Variants in LRRFIP1 observed in about 807,000 individuals in gnomAD.
The protein encoded by LRRFIP1 is leucine-rich repeat flightless-interacting protein 1.
LRRFIP1 carries 62 observed loss-of-function variants against 104.4 expected under a neutral mutation model. The observed-to-expected ratio is 0.59, with a 90% CI of 0.48 to 0.73. LRRFIP1 has a LOEUF of 0.73. Ranked by LOEUF, LRRFIP1 falls within the 30% of genes least tolerant of loss-of-function variation. The pLI is 0.00. For missense variants in LRRFIP1, 796 were observed against 824.5 expected (o/e 0.97, Z 0.42); for synonymous variants, 300 against 299.0 (o/e 1.00, Z -0.03).
intron 6 of LRRFIP1, 63 bp downstream of exon 6, chr2:237,720,885 C>G: frequency 2.1e-6 from 3 of 1,402,060 alleles, no homozygotes; most frequent in African/African-American, 1.4e-5. Flanking sequence ...TTTACTTTCT[C>G]ATCCCCGCAT....
chr2:237,715,794 G>C (rs529079812), intron 3 of LRRFIP1, among the ~76,000 whole-genome samples: 1 of 152,352 alleles, frequency 6.6e-6, no homozygotes, highest in South Asian at 2.1e-4. Context: ...TCATGGTAGT[G>C]ATTGACGTTT....
intron 1 of LRRFIP1, among the ~76,000 whole-genome samples, chr2:237,636,808 C>T (rs2083189514): frequency 6.6e-6 from 1 of 152,198 alleles, no homozygotes; most frequent in African/African-American, 2.4e-5. Flanking sequence ...GACAGTGGTT[C>T]CTCAGGCAGG....
intron 17 of LRRFIP1, among the ~76,000 whole-genome samples, chr2:237,758,036 G>C (rs1043821464): frequency 2.0e-5 from 3 of 152,142 alleles, no homozygotes; most frequent in Non-Finnish European, 2.9e-5. Flanking sequence ...TCTACACTTA[G>C]AATTGAAGGA....
intron 1 of LRRFIP1, among the ~76,000 whole-genome samples, chr2:237,696,675 T>C (rs1180624732): frequency 6.6e-6 from 1 of 152,158 alleles, no homozygotes; most frequent in Non-Finnish European, 1.5e-5. Flanking sequence ...TAGTCAGCAG[T>C]GGAGCCAGTT....
intron 1 of LRRFIP1, among the ~76,000 whole-genome samples, chr2:237,669,106 C>T (rs2089960718): frequency 2.0e-5 from 3 of 152,202 alleles, no homozygotes; most frequent in Admixed American, 2.0e-4. Flanking sequence ...CCATCACGTC[C>T]TCACTTCCGT....
Position 237,717,844 on chromosome 2 carries a change from C to T in LRRFIP1, c.249+35C>T, listed in dbSNP as rs767076416. ...GAATATAATTTTGTTTTTACTCTTC[C>T]CTCCCCACTTGAATACAGTGTTGAG... On this transcript the variant is annotated intron_variant, in intron 4 of 23. Coordinates refer to ENST00000308482, the MANE Select transcript of LRRFIP1 (RefSeq NM_001137550.2). The surrounding 1 kb of genome is among the most constrained non-coding windows in gnomAD (Gnocchi z 4.2). 1 of 1,512,714 alleles carries T rather than the reference C, an allele frequency of 6.6e-7. No individual in the cohort carries two copies. The highest frequency in any genetic ancestry group is 9.2e-7 in the Non-Finnish European group (1 of 1,087,836). 93.7% of individuals were successfully genotyped at this position (1,512,714 alleles called of 1,614,324 possible). A position where few individuals can be genotyped will look rare whatever the true frequency, so the allele number is the denominator to read the frequency against.
chr2:237,631,374 G>A (rs2082316846), intron 1 of LRRFIP1, among the ~76,000 whole-genome samples: 2 of 152,314 alleles, frequency 1.3e-5, no homozygotes, highest in Admixed American at 1.3e-4. Flanking sequence ...CCTTTGGAGG[G>A]TGCATTTCTG....
chr2:237,738,471 A>C (rs1241789554), intron 10 of LRRFIP1, among the ~76,000 whole-genome samples: 2 of 152,148 alleles, frequency 1.3e-5, no homozygotes, highest in Non-Finnish European at 2.9e-5. Flanking sequence ...TCTCTTGAAG[A>C]TGCTCCTCAG....
chr2:237,757,807 G>A (rs938250361), intron 17 of LRRFIP1, among the ~76,000 whole-genome samples: 10 of 152,068 alleles, frequency 6.6e-5, no homozygotes, highest in Admixed American at 1.3e-4. Context: ...TGCCTGCCCC[G>A]TGGCTGGGCC....
intron 1 of LRRFIP1, among the ~76,000 whole-genome samples, chr2:237,701,332 T>G (rs1437451990): frequency 6.6e-6 from 1 of 152,220 alleles, no homozygotes; most frequent in Non-Finnish European, 1.5e-5. Flanking sequence ...GAATTGGGGT[T>G]CAGGGTGTTG....
At chr2:237,657,544 C>A (rs956003442) in intron 1 of LRRFIP1, among the ~76,000 whole-genome samples, 2 of 152,094 alleles carry the variant, frequency 1.3e-5, no homozygotes, top group Admixed American at 6.5e-5. Flanking sequence ...TCCAACCTGG[C>A]CTCAATTTCT....
At chr2:237,720,694 C>G in intron 5 of LRRFIP1, 78 bp from the exon 6 acceptor site, 1 of 1,309,696 alleles carries the variant, frequency 7.6e-7, no homozygotes, top group Non-Finnish European at 1.1e-6. Context: ...TCCCAGCATC[C>G]CCCTGAAACT....
intron 1 of LRRFIP1, among the ~76,000 whole-genome samples, chr2:237,652,407 T>A (rs777191593): frequency 8.5e-5 from 13 of 152,318 alleles, no homozygotes; most frequent in Non-Finnish European, 1.6e-4. Flanking sequence ...GAGTTGGACA[T>A]TGTCCCAGAG....
At chr2:237,743,668 G>A (rs1210210726) in intron 11 of LRRFIP1, among the ~76,000 whole-genome samples, 1 of 152,172 alleles carries the variant, frequency 6.6e-6, no homozygotes, top group African/African-American at 2.4e-5. Context: ...ATGAGCAAAT[G>A]CAGACTTGCC....
At chr2:237,670,679 G>A (rs551520729) in intron 1 of LRRFIP1, among the ~76,000 whole-genome samples, 6 of 152,300 alleles carry the variant, frequency 3.9e-5, no homozygotes, top group South Asian at 4.1e-4. Flanking sequence ...CTGTCACAGC[G>A]CTCCCAGATG....
At chr2:237,689,945 G>A (rs1050571296) in intron 1 of LRRFIP1, among the ~76,000 whole-genome samples, 1 of 152,156 alleles carries the variant, frequency 6.6e-6, no homozygotes, top group African/African-American at 2.4e-5. Context: ...CATTATCACC[G>A]GCATGTTTTG....
intron 1 of LRRFIP1, among the ~76,000 whole-genome samples, chr2:237,674,355 CCTT>C (rs1255539442): frequency 6.6e-6 from 1 of 152,202 alleles, no homozygotes; most frequent in Non-Finnish European, 1.5e-5. Flanking sequence ...TGTGCATTTT[CCTT>C]CTTTTCTGTG....
chr2:237,730,754 T>C (rs2094963269), intron 8 of LRRFIP1, among the ~76,000 whole-genome samples: 1 of 152,154 alleles, frequency 6.6e-6, no homozygotes, highest in Non-Finnish European at 1.5e-5. Flanking sequence ...CCGTCTCTAC[T>C]AAAAATATAA....
intron 19 of LRRFIP1, chr2:237,763,400 G>A (rs909691171): frequency 6.2e-7 from 1 of 1,613,888 alleles, no homozygotes; most frequent in Non-Finnish European, 8.5e-7. Context: ...AGAGGCATTG[G>A]ACTCATCGCA....
Sources: allele counts gnomAD v4.1 joint callset (sites outside exome capture counted in the v4.1 genomes callset), GRCh38; gene constraint gnomAD v4.1.1; non-coding constraint Gnocchi (gnomAD v3.1); transcripts MANE v1.5; gene names NCBI Gene and HGNC (gene_info 2026-07-23, HGNC 2026-07-21).